Variants in DR1 observed in about 807,000 individuals in gnomAD.
DR1 encodes down-regulator of transcription 1.
DR1 carries 7 observed loss-of-function variants against 19.9 expected under a neutral mutation model. The ratio of observed to expected loss-of-function variants is 0.35; its 90% CI spans 0.20 to 0.66. The LOEUF is 0.66. Ranked by LOEUF, DR1 falls within the 30% of genes least tolerant of loss-of-function variation. DR1 has a pLI of 0.66. For synonymous variants in DR1, 76 were observed against 72.5 expected, an observed-to-expected ratio of 1.05 and a Z score of -0.24; for missense variants, 98 against 203.7, an observed-to-expected ratio of 0.48 and a Z score of 3.16.
In DR1 at chr1:93,346,636, G is replaced by A. The variant is rs1666845577; in HGVS notation, c.-10G>A. On this transcript the variant is annotated 5_prime_UTR_variant, in exon 1 of 3. Coordinates refer to ENST00000370272, the MANE Select transcript of DR1 (RefSeq NM_001938.3). ...TTTAAAAGCCGGGGCGCGAGAAACA[G>A]GAAGGTACTATGGCTTCCTCGTCTG... is the stretch of plus-strand genomic sequence containing the variant. 6.2e-7 allele frequency: 1 copy of A among 1,612,108 alleles called. No individual in the cohort carries two copies. Among genetic ancestry groups the A allele is most frequent in the African/African-American group, 1.3e-5 (1 of 74,796 alleles).
rs370801133 is a variant in DR1 at position 93,346,619 on chromosome 1, C to T, written c.-27C>T. The T allele has an allele frequency of 1.1e-5, 17 of 1,602,072 alleles. No individual in the cohort carries two copies. The highest frequency in any genetic ancestry group is 1.3e-5 in the Non-Finnish European group (15 of 1,170,820). On this transcript the variant is annotated 5_prime_UTR_variant, in exon 1 of 3. Coordinates refer to ENST00000370272, the MANE Select transcript of DR1 (RefSeq NM_001938.3). Reference sequence around the variant, plus strand: ...ACCAGAGCTGGGGAGTTTTTAAAAGCCGGGGCGCGAGAAACAGGAAGGTAC... The same window carrying T: ...ACCAGAGCTGGGGAGTTTTTAAAAGTCGGGGCGCGAGAAACAGGAAGGTAC...
In DR1 at chr1:93,346,383, G is replaced by C. The variant is rs975095381; in HGVS notation, c.-263G>C. ...GCCGCTCAAATTTCCGGACCACCGC[G>C]CTTTCCCCTCCTCAGCCTGGGCTGT... On this transcript the variant is annotated 5_prime_UTR_variant, in exon 1 of 3. Coordinates refer to ENST00000370272, the MANE Select transcript of DR1 (RefSeq NM_001938.3). 4.2e-6 allele frequency: 2 copies of C among 478,102 alleles called. No homozygotes were observed. Among genetic ancestry groups the C allele is most frequent in the African/African-American group, 1.9e-5 (1 of 51,308 alleles). 29.6% of individuals were successfully genotyped at this position (478,102 alleles called of 1,614,324 possible). A position where few individuals can be genotyped will look rare whatever the true frequency, so the allele number is the denominator to read the frequency against.
At chr1:93,357,255 C>T (rs1666999024) in intron 2 of DR1, among the ~76,000 whole-genome samples, 2 of 152,088 alleles carry the variant, frequency 1.3e-5, no homozygotes, top group South Asian at 4.1e-4. Flanking sequence ...ATAGTCTTTT[C>T]CTTACTTATT....
rs1233805862 is a variant in DR1 at position 93,364,388 on chromosome 1, T to A, written c.*3749T>A. On this transcript the variant is annotated 3_prime_UTR_variant, in exon 3 of 3. Transcript: ENST00000370272. ...TCTGTGATTTAATTTTTTAATTGAA[T>A]TTTAAATTTTGGGTTATAACCTCAT... 1 of 152,210 alleles carries A rather than the reference T, an allele frequency of 6.6e-6. No individual in the cohort carries two copies. The highest frequency in any genetic ancestry group is 1.5e-5 in the Non-Finnish European group (1 of 68,040). The allele number at this position is 152,210 out of a possible 1,614,324, so 9.4% of individuals were successfully genotyped here. A position where few individuals can be genotyped will look rare whatever the true frequency, so the allele number is the denominator to read the frequency against.
chr1:93,346,819 T>C lies in DR1; in HGVS notation c.174T>C (p.Cys58=), dbSNP rs1270656218. The change falls in exon 1 of 3, where the codon TGT becomes TGC. Residue 58 remains cysteine, a synonymous_variant. Transcript: ENST00000370272. ...HLISSEANEI[C]NKSEKKTISP... ...TATCTTCTGAAGCCAATGAGATTTG[T>C]AACAAATCGGAAAAGAAGACCATCT... 6.2e-7 allele frequency: 1 copy of C among 1,613,742 alleles called. No homozygotes were observed. Among genetic ancestry groups the C allele is most frequent in the Admixed American group, 1.7e-5 (1 of 59,964 alleles).
intron 1 of DR1, among the ~76,000 whole-genome samples, chr1:93,350,821 A>T (rs534507435): frequency 6.6e-6 from 1 of 152,332 alleles, no homozygotes; most frequent in East Asian, 1.9e-4. Context: ...TTTTTAAAAA[A>T]ATATTTTTCT....
At chr1:93,357,163 A>G (rs1269490449) in intron 2 of DR1, among the ~76,000 whole-genome samples, 1 of 152,206 alleles carries the variant, frequency 6.6e-6, no homozygotes, top group East Asian at 1.9e-4. Context: ...ATTAGGGAGA[A>G]TGGATGGTTT....
intron 1 of DR1, among the ~76,000 whole-genome samples, chr1:93,347,773 A>G (rs1253670036): frequency 6.6e-6 from 1 of 152,002 alleles, no homozygotes; most frequent in Admixed American, 6.5e-5. Flanking sequence ...GGAGAAACAT[A>G]TTTACTATTC....
intron 2 of DR1, among the ~76,000 whole-genome samples, chr1:93,360,180 A>G (rs187237811): frequency 6.6e-6 from 1 of 152,294 alleles, no homozygotes; most frequent in East Asian, 1.9e-4. Context: ...GTTTTTCACA[A>G]TATTGGTTCC....
At chr1:93,358,213 A>G (rs1667012786) in intron 2 of DR1, among the ~76,000 whole-genome samples, 1 of 152,172 alleles carries the variant, frequency 6.6e-6, no homozygotes, top group South Asian at 2.1e-4. Context: ...CTAGTAAGCA[A>G]TTATCTTAGC....
intron 2 of DR1, among the ~76,000 whole-genome samples, chr1:93,357,012 G>A (rs185628654): frequency 2.7e-4 from 41 of 152,224 alleles, no homozygotes; most frequent in African/African-American, 9.4e-4. Context: ...ATGAGCCACC[G>A]CGCCCGGCCT....
chr1:93,353,850 G>T lies in DR1; in HGVS notation c.221-58G>T. ...GCCCACAAAAACTTTAGGTCTACGG[G>T]TTGGGGGAAAGCTGTGTTTTATCAC... On this transcript the variant is annotated intron_variant, in intron 1 of 2. Transcript: ENST00000370272. 3 of 1,442,758 alleles carry T rather than the reference G, an allele frequency of 2.1e-6. No homozygotes were observed. In the African/African-American group the frequency reaches 4.3e-5, roughly 21 times the overall value. The allele number at this position is 1,442,758 out of a possible 1,614,324, so 89.4% of individuals were successfully genotyped here.
In DR1 at chr1:93,365,939, G is replaced by A. The variant is rs917028943; in HGVS notation, c.*5300G>A. On this transcript the variant is annotated 3_prime_UTR_variant, in exon 3 of 3. Coordinates refer to ENST00000370272, the MANE Select transcript of DR1 (RefSeq NM_001938.3). ...TTTATTGTGATTAAATATGCATATC[G>A]TAAAATTCACCACTTTAACCAGTTT... 4.6e-5 allele frequency: 7 copies of A among 152,044 alleles called. No individual in the cohort carries two copies. In the East Asian group the frequency reaches 5.8e-4, roughly 13 times the overall value. 9.4% of individuals were successfully genotyped at this position (152,044 alleles called of 1,614,324 possible). A position where few individuals can be genotyped will look rare whatever the true frequency, so the allele number is the denominator to read the frequency against.
chr1:93,361,156 A>G lies in DR1; in HGVS notation c.*517A>G, dbSNP rs1439790797. The G allele has an allele frequency of 2.6e-5, 4 of 152,798 alleles. No homozygotes were observed. The highest frequency in any genetic ancestry group is 7.2e-5 in the African/African-American group (3 of 41,452). 9.5% of individuals were successfully genotyped at this position (152,798 alleles called of 1,614,324 possible). The stretch of plus-strand genomic sequence containing the variant: ...GAGTACATATATAGGCAATAAATAT[A>G]TATGCTCAGATCAATATACTTGTTT... On this transcript the variant is annotated 3_prime_UTR_variant, in exon 3 of 3. Transcript: ENST00000370272.
Position 93,346,681 on chromosome 1 carries a change from T to C in DR1, c.36T>C (p.Thr12=). 1 of 1,614,018 alleles carries C rather than the reference T, an allele frequency of 6.2e-7. No homozygotes were observed. Among genetic ancestry groups the C allele is most frequent in the African/African-American group, 1.3e-5 (1 of 74,996 alleles). The stretch of plus-strand genomic sequence containing the variant: ...CGTCTGGCAACGATGATGATCTCAC[T>C]ATCCCCAGAGCTGCTATCAATAAAA... The part of the protein sequence containing the change: ...ASSSGNDDDL[T]IPRAAINKMI... The change falls in exon 1 of 3, where the codon ACT becomes ACC. Residue 12 remains threonine, a synonymous_variant. Coordinates refer to ENST00000370272, the MANE Select transcript of DR1 (RefSeq NM_001938.3).
At chr1:93,349,010 T>G (rs1666885941) in intron 1 of DR1, among the ~76,000 whole-genome samples, 1 of 152,076 alleles carries the variant, frequency 6.6e-6, no homozygotes, top group Non-Finnish European at 1.5e-5. Flanking sequence ...CAGCATTGAT[T>G]AGGAATGTAG....
In DR1 at chr1:93,346,222, A is replaced by G; in HGVS notation, c.-424A>G. The G allele has an allele frequency of 4.3e-6, 1 of 232,076 alleles. No homozygotes were observed. The highest frequency in any genetic ancestry group is 8.7e-6 in the Non-Finnish European group (1 of 115,442). The allele number at this position is 232,076 out of a possible 1,614,324, so 14.4% of individuals were successfully genotyped here. On this transcript the variant is annotated 5_prime_UTR_variant, in exon 1 of 3. Coordinates refer to ENST00000370272, the MANE Select transcript of DR1 (RefSeq NM_001938.3). ...GGCAGCGGGGCCTCGGGCTCTATAG[A>G]GCCGAGCCCGCTGGGTACCCGCCCG... is the stretch of plus-strand genomic sequence containing the variant.
At chr1:93,354,135 C>T in intron 2 of DR1, 64 bp downstream of exon 2, 1 of 1,498,562 alleles carries the variant, frequency 6.7e-7, no homozygotes, top group African/African-American at 1.4e-5. Flanking sequence ...GAAATTGCTT[C>T]CTAAATTAAC....
intron 2 of DR1, chr1:93,355,893 CTT>C (rs1666974589): frequency 6.6e-6 from 1 of 152,064 alleles, no homozygotes; most frequent in African/African-American, 2.4e-5. Context: ...ATTTTTTAGA[CTT>C]TAAATATTAA....
Sources: gnomAD v4.1 joint callset for allele counts (sites outside exome capture counted in the v4.1 genomes callset) on GRCh38, gnomAD v4.1.1 for gene constraint, MANE v1.5 for transcripts, NCBI Gene and HGNC (gene_info 2026-07-23, HGNC 2026-07-21) for gene names.